Variants in RS1 observed in about 807,000 individuals in gnomAD.
RS1 encodes the protein retinoschisin.
A neutral mutation model predicts 20.8 loss-of-function variants in RS1; 2 were observed. The observed-to-expected ratio is 0.10, with a 90% CI of 0.04 to 0.30. The LOEUF (loss-of-function observed/expected upper bound fraction) is 0.30. Ranked by LOEUF, RS1 falls within the 10% of genes least tolerant of loss-of-function variation. RS1 has a pLI of 1.00. For missense variants in RS1, 151 were observed against 189.8 expected, an observed-to-expected ratio of 0.80 and a Z score of 1.20; for synonymous variants, 70 against 75.8, an observed-to-expected ratio of 0.92 and a Z score of 0.40.
intron 3 of RS1, among the ~76,000 whole-genome samples, chrX:18,647,931 G>A (rs1044437229): frequency 2.7e-5 from 3 of 111,645 alleles, no homozygotes; most frequent in African/African-American, 9.8e-5. Context: ...GGGGACTGTT[G>A]AGTGAGAAAC....
Position 18,656,658 on chromosome X carries a change from A to G in RS1, c.179T>C (p.Ile60Thr), listed in dbSNP as rs1171386231. 3 of 1,195,735 alleles carry G rather than the reference A, an allele frequency of 2.5e-6. No homozygotes were observed. Among genetic ancestry groups the G allele is most frequent in the African/African-American group, 1.8e-5 (1 of 56,742 alleles). ...CAAGGACAGGGGATACTCACCTGGT[A>G]TACAGTCCAAGGAGGTGGCACCTGC... Reference protein sequence around the residue: ...WSAGATSLDCIPECPYHKPLG... With the variant: ...WSAGATSLDCTPECPYHKPLG... Residue 60 changes from isoleucine to threonine, a missense_variant, in exon 3 of 6, where the codon ATA (isoleucine) becomes ACA (threonine). Transcript: ENST00000379984.
chrX:18,666,747 C>A (rs981514833), intron 1 of RS1, among the ~76,000 whole-genome samples: 1 of 110,595 alleles, frequency 9.0e-6, no homozygotes. Flanking sequence ...TCTGACTACA[C>A]TGGGGAAGTA....
intron 1 of RS1, among the ~76,000 whole-genome samples, chrX:18,661,538 G>T (rs1345542974): frequency 1.2e-4 from 13 of 111,873 alleles, no homozygotes; most frequent in Non-Finnish European, 2.3e-4. Flanking sequence ...TGTATCTCAG[G>T]GTTCTTGCCT....
Position 18,641,570 on chromosome X carries a change from G to A in RS1, c.*434C>T. ...GATTTAGTGGAAACTTAACTAGGAG[G>A]AGCTGCTCCCTTCTGCATTCAAAGC... On this transcript the variant is annotated 3_prime_UTR_variant, in exon 6 of 6. Coordinates refer to ENST00000379984, the MANE Select transcript of RS1 (RefSeq NM_000330.4). The A allele has an allele frequency of 6.5e-6, 1 of 154,863 alleles. No individual in the cohort carries two copies. Among genetic ancestry groups the A allele is most frequent in the Non-Finnish European group, 1.3e-5 (1 of 79,649 alleles). The allele number at this position is 154,863 out of a possible 1,213,427, so 12.8% of individuals were successfully genotyped here. A position where few individuals can be genotyped will look rare whatever the true frequency, so the allele number is the denominator to read the frequency against.
intron 5 of RS1, 97 bp from the exon 6 acceptor site, chrX:18,642,253 A>G: frequency 2.1e-6 from 2 of 966,962 alleles, no homozygotes; most frequent in Non-Finnish European, 3.0e-6. Flanking sequence ...AACTATAGAA[A>G]TGATTAGGAA....
intron 3 of RS1, chrX:18,650,108 A>T: frequency 2.8e-6 from 1 of 363,384 alleles, no homozygotes; most frequent in South Asian, 3.5e-5. Context: ...TTTCCCCTTC[A>T]CATCTCTTTT....
intron 3 of RS1, among the ~76,000 whole-genome samples, chrX:18,651,840 ACTT>A (rs756652837): frequency 6.8e-4 from 75 of 110,727 alleles, no homozygotes; most frequent in Non-Finnish European, 1.2e-3. Context: ...ATTTTTCCTG[ACTT>A]CTTCTTCCCC....
chrX:18,650,540 G>C, intron 3 of RS1: 1 of 1,211,752 alleles, frequency 8.3e-7, no homozygotes, highest in Non-Finnish European at 1.1e-6. Context: ...CCATGTGCCC[G>C]ACACTCCAGG....
intron 3 of RS1, among the ~76,000 whole-genome samples, chrX:18,655,986 C>CTTTTTTTTT (rs56213978): frequency 5.9e-5 from 3 of 50,819 alleles, no homozygotes; most frequent in Non-Finnish European, 1.1e-4. Flanking sequence ...TTTTCTTTTC[C>CTTTTTTTTT]TTTTTTTTTT....
At chrX:18,669,352 G>A (rs6629286) in intron 1 of RS1, among the ~76,000 whole-genome samples, 42,692 of 107,458 alleles carry the variant, frequency 0.4, 7,743 homozygotes, top group Non-Finnish European at 0.55. Flanking sequence ...TGATCCGGGC[G>A]TGGTGGCACA....
At chrX:18,664,140 T>C (rs1928364966) in intron 1 of RS1, among the ~76,000 whole-genome samples, 1 of 112,222 alleles carries the variant, frequency 8.9e-6, no homozygotes, top group African/African-American at 3.2e-5. Flanking sequence ...GTATTTGTAA[T>C]ACCCCCAAAC....
At chrX:18,670,795 G>C (rs1379803949) in intron 1 of RS1, among the ~76,000 whole-genome samples, 1 of 111,803 alleles carries the variant, frequency 8.9e-6, no homozygotes, top group Admixed American at 9.6e-5. Context: ...GAGTTACTGG[G>C]ACAAGTTGCA....
intron 3 of RS1, 200 bp from the exon 4 acceptor site, chrX:18,647,532 AAG>A (rs907463938): frequency 4.4e-6 from 2 of 452,855 alleles, no homozygotes; most frequent in African/African-American, 4.8e-5. Flanking sequence ...GGATGAAGTA[AAG>A]GAATTGCCAT....
chrX:18,665,766 C>A (rs1238535731), intron 1 of RS1, among the ~76,000 whole-genome samples: 3 of 107,045 alleles, frequency 2.8e-5, no homozygotes, highest in Non-Finnish European at 5.8e-5. Context: ...GTGGCACACA[C>A]CTGTGATCCG....
In RS1 at chrX:18,640,112, G is replaced by A. The variant is rs756604283; in HGVS notation, c.*1892C>T. The A allele has an allele frequency of 2.7e-5, 3 of 111,289 alleles. No homozygotes were observed. Among genetic ancestry groups the A allele is most frequent in the Non-Finnish European group, 5.6e-5 (3 of 53,132 alleles). The allele number at this position is 111,289 out of a possible 1,213,427, so 9.2% of individuals were successfully genotyped here. ...TTGCACAACTCTGAATATACCAAAA[G>A]TCATCAAATTGTACACTTTAAATGG... On this transcript the variant is annotated 3_prime_UTR_variant, in exon 6 of 6. Transcript: ENST00000379984.
rs181775486 is a variant in RS1 at position 18,665,720 on chromosome X, A to G, written c.52+6297T>C. On this transcript the variant is annotated intron_variant, in intron 1 of 5. Transcript: ENST00000379984. The stretch of plus-strand genomic sequence containing the variant: ...CCCTGTCTCTGCTAAAAATAAATAA[A>G]CAAACAAATAAATAAATAAAAATTA... Among the ~76,000 whole-genome samples, 409 of 108,800 alleles carry G rather than the reference A, an allele frequency of 3.8e-3. 3 individuals are homozygous for G. The highest frequency in any genetic ancestry group is 0.023 in the Middle Eastern group (5 of 215). 94.5% of individuals were successfully genotyped at this position (108,800 alleles called of 115,157 possible).
In RS1 at chrX:18,647,181, C is replaced by T. The variant is rs1473346927; in HGVS notation, c.326+10G>A. On this transcript the variant is annotated intron_variant, in intron 4 of 5. Coordinates refer to ENST00000379984, the MANE Select transcript of RS1 (RefSeq NM_000330.4). ...AAGCACATGAAAAAAAATCCCCGGG[C>T]CCTGCTTACCCAAAGCCTTGACTGT... 5.0e-6 allele frequency: 6 copies of T among 1,208,091 alleles called. No individual in the cohort carries two copies. Among genetic ancestry groups the T allele is most frequent in the East Asian group, 3.0e-5 (1 of 33,704 alleles).
At position 18,641,717 on chromosome X, in the gene RS1, A is replaced by T; in HGVS notation, c.*287T>A. The T allele has an allele frequency of 2.9e-6, 1 of 348,200 alleles. No individual in the cohort carries two copies. The highest frequency in any genetic ancestry group is 5.1e-6 in the Non-Finnish European group (1 of 196,806). The allele number at this position is 348,200 out of a possible 1,213,427, so 28.7% of individuals were successfully genotyped here. A position where few individuals can be genotyped will look rare whatever the true frequency, so the allele number is the denominator to read the frequency against. ...CTTTCACAGTATCACTGAGACAAAA[A>T]ATGAGCAGAAAATTACCCCTGCTAC... is the stretch of plus-strand genomic sequence containing the variant. On this transcript the variant is annotated 3_prime_UTR_variant, in exon 6 of 6. Transcript: ENST00000379984.
intron 4 of RS1, 29 bp downstream of exon 4, chrX:18,647,162 A>C (rs201158157): frequency 8.3e-7 from 1 of 1,205,821 alleles, no homozygotes; most frequent in East Asian, 3.0e-5. Context: ...TTAAAAGCAC[A>C]TGAAAAAAAA....
Sources: gnomAD v4.1 joint callset for allele counts (sites outside exome capture counted in the v4.1 genomes callset) on GRCh38, gnomAD v4.1.1 for gene constraint, MANE v1.5 for transcripts, NCBI Gene and HGNC (gene_info 2026-07-23, HGNC 2026-07-21) for gene names.